LDB2: variants seen among roughly 807,000 people sequenced by gnomAD.
LDB2 encodes LIM domain-binding protein 2.
A neutral mutation model predicts 44.3 loss-of-function variants in LDB2; 12 were observed. The ratio of observed to expected loss-of-function variants is 0.27; its 90% CI spans 0.17 to 0.44. The LOEUF is 0.44. LDB2 is among the 20% of genes least tolerant of loss of function. The pLI is 1.00. For synonymous variants in LDB2, 164 were observed against 174.8 expected (o/e 0.94, Z 0.49); for missense variants, 344 against 473.5 (o/e 0.73, Z 2.54).
intron 1 of LDB2, among the ~76,000 whole-genome samples, chr4:16,837,168 C>G (rs778976121): frequency 7.9e-5 from 12 of 152,186 alleles, no homozygotes; most frequent in Non-Finnish European, 1.5e-4. Context: ...TTTCTCACAA[C>G]ACAGAATTTT....
At chr4:16,625,365 T>A (rs1008994542) in intron 2 of LDB2, among the ~76,000 whole-genome samples, 1 of 152,192 alleles carries the variant, frequency 6.6e-6, no homozygotes, top group Non-Finnish European at 1.5e-5. Flanking sequence ...CAGCAGAGCT[T>A]CTGCTATTCC....
At chr4:16,512,786 T>C (rs571829313) in intron 5 of LDB2, among the ~76,000 whole-genome samples, 1 of 152,340 alleles carries the variant, frequency 6.6e-6, no homozygotes, top group Admixed American at 6.5e-5. Flanking sequence ...TACAGCCACC[T>C]TGTTCCTTCC....
chr4:16,614,646 A>T (rs1726694332), intron 2 of LDB2, among the ~76,000 whole-genome samples: 1 of 150,980 alleles, frequency 6.6e-6, no homozygotes, highest in African/African-American at 2.4e-5. Flanking sequence ...ATGAACAGAT[A>T]CTTCTTAAAA....
chr4:16,686,152 G>C (rs1749185526), intron 2 of LDB2, among the ~76,000 whole-genome samples: 1 of 152,034 alleles, frequency 6.6e-6, no homozygotes, highest in South Asian at 2.1e-4. Flanking sequence ...TCGAAGCAGA[G>C]AGTAACCATA....
At chr4:16,586,518 ACACACAC>A (rs1388645767) in intron 4 of LDB2, among the ~76,000 whole-genome samples, 287 of 86,994 alleles carry the variant, frequency 3.3e-3, no homozygotes, top group African/African-American at 0.011. Flanking sequence ...ACACACACAC[ACACACAC>A]AAAACACACA....
chr4:16,763,784 A>G (rs189499903), intron 1 of LDB2, among the ~76,000 whole-genome samples: 5 of 152,308 alleles, frequency 3.3e-5, no homozygotes, highest in African/African-American at 1.2e-4. Context: ...CTTAACTTCT[A>G]TGTTATACTG....
chr4:16,603,601 G>A (rs1322404828), intron 2 of LDB2, among the ~76,000 whole-genome samples: 3 of 152,050 alleles, frequency 2.0e-5, no homozygotes, highest in African/African-American at 4.8e-5. Flanking sequence ...TGTAGTTTAC[G>A]TCTGACAGAT....
intron 2 of LDB2, among the ~76,000 whole-genome samples, chr4:16,721,140 CTGAG>C (rs1462451583): frequency 1.3e-5 from 2 of 152,176 alleles, no homozygotes; most frequent in East Asian, 1.9e-4. Flanking sequence ...CCTTAAATGA[CTGAG>C]TAAGTGTATG....
intron 5 of LDB2, among the ~76,000 whole-genome samples, chr4:16,545,281 A>G (rs1735356196): frequency 6.6e-6 from 1 of 150,530 alleles, no homozygotes; most frequent in African/African-American, 2.5e-5. Flanking sequence ...CAGGATAGAT[A>G]TTTCTGGTGC....
At chr4:16,891,707 G>T (rs183592458) in intron 1 of LDB2, among the ~76,000 whole-genome samples, 8 of 152,148 alleles carry the variant, frequency 5.3e-5, no homozygotes, top group Admixed American at 3.9e-4. Flanking sequence ...AATTTCACTT[G>T]GTCCCTTTGA....
intron 1 of LDB2, among the ~76,000 whole-genome samples, chr4:16,870,350 C>G (rs1716130134): frequency 6.6e-6 from 1 of 152,122 alleles, no homozygotes; most frequent in African/African-American, 2.4e-5. Context: ...TCATATTAGT[C>G]CAACTTCCGT....
chr4:16,586,487 TACAC>T (rs5856368), intron 4 of LDB2, among the ~76,000 whole-genome samples: 7,388 of 128,682 alleles, frequency 0.057, 241 homozygotes, highest in African/African-American at 0.1. Context: ...TGTCTTGAAA[TACAC>T]ACACACACAC....
chr4:16,867,089 G>A (rs573549971), intron 1 of LDB2, among the ~76,000 whole-genome samples: 14 of 152,132 alleles, frequency 9.2e-5, no homozygotes, highest in Admixed American at 3.3e-4. Flanking sequence ...CTTAGCCCTT[G>A]GAACCCAGCC....
At chr4:16,664,469 C>T (rs1439095504) in intron 2 of LDB2, among the ~76,000 whole-genome samples, 1 of 152,140 alleles carries the variant, frequency 6.6e-6, no homozygotes, top group Non-Finnish European at 1.5e-5. Flanking sequence ...GGTAGTAGGA[C>T]ACTAGACAGA....
intron 1 of LDB2, among the ~76,000 whole-genome samples, chr4:16,837,272 C>T (rs1272957297): frequency 6.6e-6 from 1 of 152,158 alleles, no homozygotes; most frequent in African/African-American, 2.4e-5. Flanking sequence ...ATAACATCTA[C>T]CTTGGAGAAC....
At chr4:16,664,930 G>A (rs1302878612) in intron 2 of LDB2, among the ~76,000 whole-genome samples, 1 of 152,216 alleles carries the variant, frequency 6.6e-6, no homozygotes, top group Non-Finnish European at 1.5e-5. Context: ...AGCTCCTATG[G>A]AAGGACAAAT....
At chr4:16,711,356 G>A (rs146104846) in intron 2 of LDB2, among the ~76,000 whole-genome samples, 1,851 of 152,294 alleles carry the variant, frequency 0.012, 32 homozygotes, top group African/African-American at 0.037. Context: ...GGGCTCTCTC[G>A]CGTGCTCAAA....
At chr4:16,891,872 T>C (rs1723507167) in intron 1 of LDB2, among the ~76,000 whole-genome samples, 1 of 152,200 alleles carries the variant, frequency 6.6e-6, no homozygotes, top group Non-Finnish European at 1.5e-5. Flanking sequence ...TCCTAGCTCA[T>C]GTTTCCTATT....
intron 2 of LDB2, among the ~76,000 whole-genome samples, chr4:16,675,954 G>C (rs1391638151): frequency 6.6e-6 from 1 of 152,196 alleles, no homozygotes. Context: ...AAAAGTACTT[G>C]TCAGAGGAAG....
Sources: gnomAD v4.1 joint callset for allele counts (sites outside exome capture counted in the v4.1 genomes callset) on GRCh38, gnomAD v4.1.1 for gene constraint, MANE v1.5 for transcripts, NCBI Gene and HGNC (gene_info 2026-07-23, HGNC 2026-07-21) for gene names.